ATP2B3: variants seen among roughly 807,000 people sequenced by gnomAD.
The protein encoded by ATP2B3 is plasma membrane calcium-transporting ATPase 3.
A neutral mutation model predicts 70.8 loss-of-function variants in ATP2B3; 12 were observed. The observed-to-expected ratio is 0.17, with a 90% confidence interval of 0.11 to 0.27. The LOEUF (loss-of-function observed/expected upper bound fraction) is 0.27. Among genes scored for constraint, ATP2B3 ranks in the 10% least tolerant of loss-of-function variants. The pLI is 1.00. For synonymous variants in ATP2B3, 460 were observed against 497.8 expected (o/e 0.92, Z 1.01); for missense variants, 858 against 1,118.5 (o/e 0.77, Z 3.32).
In ATP2B3 at chrX:153,549,486, G is replaced by C; in HGVS notation, c.1339-11G>C. ...ACCTGGGCCAAATGCCCACACCCTC[G>C]CCCTTTGCAGAAAATGATGAAAGAC... On this transcript the variant is annotated splice_polypyrimidine_tract_variant and intron_variant, in intron 10 of 21. Coordinates refer to ENST00000263519, the MANE Select transcript of ATP2B3 (RefSeq NM_001001344.3). 4.1e-6 allele frequency: 5 copies of C among 1,210,519 alleles called. No homozygotes were observed. In the South Asian group the frequency reaches 7.0e-5, roughly 17 times the overall value.
chrX:153,525,835 C>G (rs1465837007), intron 2 of ATP2B3, among the ~76,000 whole-genome samples: 2 of 113,224 alleles, frequency 1.8e-5, no homozygotes, highest in East Asian at 5.6e-4. Flanking sequence ...AAACCTCTGT[C>G]CTGGGGAGTG....
chrX:153,558,751 G>C (rs1393987844), intron 17 of ATP2B3, among the ~76,000 whole-genome samples: 3 of 112,176 alleles, frequency 2.7e-5, no homozygotes, highest in African/African-American at 9.7e-5. Flanking sequence ...CATAGGGCAG[G>C]ACTTTCTGCC....
chrX:153,580,169 C>T lies in ATP2B3; in HGVS notation c.3534C>T (p.Ser1178=). ...GCCTCCGGGCCCCCCCGCCCCCGTC[C>T]CCCAACCAGAACAACAACGCCATAG... The part of the protein sequence containing the change: ...EERLRAPPPP[S]PNQNNNAIDS... The change falls in exon 22 of 22, where the codon TCC becomes TCT. Residue 1178 remains serine, a synonymous_variant. Coordinates refer to ENST00000263519, the MANE Select transcript of ATP2B3 (RefSeq NM_001001344.3). 1.7e-6 allele frequency: 2 copies of T among 1,197,636 alleles called. No homozygotes were observed. Among genetic ancestry groups the T allele is most frequent in the African/African-American group, 1.8e-5 (1 of 56,019 alleles).
chrX:153,574,056 G>A lies in ATP2B3; in HGVS notation c.3343-5922G>A, dbSNP rs191149258. Among the ~76,000 whole-genome samples the A allele has an allele frequency of 5.1e-3, 570 of 112,843 alleles. 4 individuals are homozygous for A. The highest frequency in any genetic ancestry group is 0.018 in the African/African-American group (549 of 31,126). On this transcript the variant is annotated intron_variant, in intron 21 of 21. Coordinates refer to ENST00000263519, the MANE Select transcript of ATP2B3 (RefSeq NM_001001344.3). ...AATTCAAGCATGTGACATCCCCATGGGGTAGAAAGGGGCCTTCCCCTTGCT... is the reference window on the plus strand; with the variant it reads ...AATTCAAGCATGTGACATCCCCATGAGGTAGAAAGGGGCCTTCCCCTTGCT...
chrX:153,545,095 G>C lies in ATP2B3; in HGVS notation c.917-993G>C, dbSNP rs56001058. Among the ~76,000 whole-genome samples, 16 of 111,889 alleles carry C rather than the reference G, an allele frequency of 1.4e-4. 1 individual carries two copies. Among genetic ancestry groups the C allele is most frequent in the African/African-American group, 4.6e-4 (14 of 30,428 alleles). ...CCCACCCCTGGCTGAGTAGGGTCGG[G>C]GGGGGGGCCCTCCCTGCTCCCTGGG... On this transcript the variant is annotated intron_variant, in intron 7 of 21. Coordinates refer to ENST00000263519, the MANE Select transcript of ATP2B3 (RefSeq NM_001001344.3).
intron 2 of ATP2B3, among the ~76,000 whole-genome samples, chrX:153,519,084 A>C (rs1438559577): frequency 1.8e-5 from 2 of 111,792 alleles, no homozygotes; most frequent in Non-Finnish European, 3.8e-5. Context: ...GCCCCTCACT[A>C]GTCAGTGACC....
intron 2 of ATP2B3, among the ~76,000 whole-genome samples, chrX:153,526,775 G>A (rs1319082982): frequency 1.8e-5 from 2 of 111,746 alleles, no homozygotes; most frequent in African/African-American, 6.5e-5. Context: ...ATCACAGAAG[G>A]GCAGGCTTGA....
At chrX:153,577,318 C>T (rs958333219) in intron 21 of ATP2B3, among the ~76,000 whole-genome samples, 1 of 112,477 alleles carries the variant, frequency 8.9e-6, no homozygotes, top group Non-Finnish European at 1.9e-5. Context: ...GAGCCAGGTG[C>T]AGTGAGACCT....
At chrX:153,552,281 C>T (rs142705595) in intron 12 of ATP2B3, among the ~76,000 whole-genome samples, 1,649 of 112,183 alleles carry the variant, frequency 0.015, 33 homozygotes, top group African/African-American at 0.049. Context: ...GTGAGGGTTC[C>T]GTGGGTGAAT....
Position 153,580,187 on chromosome X carries a change from C to A in ATP2B3, c.3552C>A (p.Asn1184Lys). The A allele has an allele frequency of 8.4e-7, 1 of 1,191,139 alleles. No individual in the cohort carries two copies. The highest frequency in any genetic ancestry group is 1.1e-6 in the Non-Finnish European group (1 of 881,112). The change falls in exon 22 of 22, where the codon AAC becomes AAA. Residue 1184 changes from asparagine (N) to lysine (K), a missense_variant. Asn to Lys is a moderately conservative substitution (Grantham distance 94, BLOSUM62 0). Transcript: ENST00000263519. ...CCCCGTCCCCCAACCAGAACAACAA[C>A]GCCATAGACAGCGGCATCTACCTGA... ...PPPPSPNQNN[N>K]AIDSGIYLTT...
At position 153,581,028 on chromosome X, in the gene ATP2B3, C is replaced by G. The variant is rs2090916891; in HGVS notation, c.*730C>G. 1 of 111,194 alleles carries G rather than the reference C, an allele frequency of 9.0e-6. No individual in the cohort carries two copies. The highest frequency in any genetic ancestry group is 1.9e-5 in the Non-Finnish European group (1 of 52,976). The allele number at this position is 111,194 out of a possible 1,213,427, so 9.2% of individuals were successfully genotyped here. A position where few individuals can be genotyped will look rare whatever the true frequency, so the allele number is the denominator to read the frequency against. On this transcript the variant is annotated 3_prime_UTR_variant, in exon 22 of 22. Transcript: ENST00000263519. ...TTACTGGCATGATATTTGCATTCCT[C>G]TTATCAGGCATTTTCATTTGGAAAT...
intron 2 of ATP2B3, among the ~76,000 whole-genome samples, chrX:153,519,635 G>A (rs977450726): frequency 5.3e-5 from 6 of 112,765 alleles, no homozygotes; most frequent in African/African-American, 9.7e-5. Context: ...CTGCGCCATC[G>A]GAACGGGCTG....
intron 18 of ATP2B3, 129 bp downstream of exon 18, chrX:153,560,071 A>T: frequency 1.5e-6 from 1 of 685,025 alleles, no homozygotes; most frequent in East Asian, 3.5e-5. Flanking sequence ...GCACTTCCTG[A>T]CTGGACAGCA....
intron 13 of ATP2B3, among the ~76,000 whole-genome samples, chrX:153,554,025 G>C (rs1320440712): frequency 3.5e-5 from 4 of 113,643 alleles, no homozygotes; most frequent in Admixed American, 1.8e-4. Flanking sequence ...GAAGCTTCTG[G>C]GCTCTCCTTC....
In ATP2B3 at chrX:153,541,812, G is replaced by C; in HGVS notation, c.550G>C (p.Gly184Arg). 8.3e-7 allele frequency: 1 copy of C among 1,211,651 alleles called. No individual in the cohort carries two copies. The highest frequency in any genetic ancestry group is 1.1e-6 in the Non-Finnish European group (1 of 895,540). ...CTGGAGCAAGGAGAAGCAGTTCCGAGGCCTGCAGAGCCGAATTGAGCAGGA... is the reference window on the plus strand; with the variant it reads ...CTGGAGCAAGGAGAAGCAGTTCCGACGCCTGCAGAGCCGAATTGAGCAGGA... ...NDWSKEKQFR[G>R]LQSRIEQEQK... is the part of the protein sequence containing the mutation. Residue 184 changes from glycine (G) to arginine (R), a missense_variant, in exon 5 of 22, where the codon GGC becomes CGC. Transcript: ENST00000263519.
Position 153,517,823 on chromosome X carries a change from G to A in ATP2B3, c.-299G>A, listed in dbSNP as rs1385047789. ...GTTGCCCGCCTGACGCCCGCCCGCA[G>A]CGACAGCGCCCGCCGGAGCCGAGGC... On this transcript the variant is annotated 5_prime_UTR_variant, in exon 1 of 22. Transcript: ENST00000263519. 1 of 109,592 alleles carries A rather than the reference G, an allele frequency of 9.1e-6. No homozygotes were observed. The highest frequency in any genetic ancestry group is 1.9e-5 in the Non-Finnish European group (1 of 51,966). The allele number at this position is 109,592 out of a possible 1,213,427, so 9.0% of individuals were successfully genotyped here.
At position 153,527,640 on chromosome X, in the gene ATP2B3, C is replaced by A. The variant is rs113689042; in HGVS notation, c.-126-8482C>A. ...ACCTCCCCGTGGGATCCAGGGACAC[C>A]CAGCATTGTGAGGGCCGCCTGTGTG... On this transcript the variant is annotated intron_variant, in intron 2 of 21. Transcript: ENST00000263519. Among the ~76,000 whole-genome samples, 346 of 112,640 alleles carry A rather than the reference C, an allele frequency of 3.1e-3. 1 individual carries two copies. The highest frequency in any genetic ancestry group is 0.01 in the African/African-American group (321 of 31,061).
intron 2 of ATP2B3, among the ~76,000 whole-genome samples, chrX:153,527,648 G>C (rs782063564): frequency 8.9e-6 from 1 of 112,699 alleles, no homozygotes; most frequent in East Asian, 2.8e-4. Flanking sequence ...ACCCAGCATT[G>C]TGAGGGCCGC....
At chrX:153,579,460 G>A (rs1032215904) in intron 21 of ATP2B3, among the ~76,000 whole-genome samples, 1 of 112,364 alleles carries the variant, frequency 8.9e-6, no homozygotes, top group Non-Finnish European at 1.9e-5. Flanking sequence ...CAGGTACTTC[G>A]GACTTTCTGG....
Sources: allele counts gnomAD v4.1 joint callset (sites outside exome capture counted in the v4.1 genomes callset), GRCh38; gene constraint gnomAD v4.1.1; transcripts MANE v1.5; gene names NCBI Gene and HGNC (gene_info 2026-07-23, HGNC 2026-07-21).